Variants in YPEL3 observed in about 807,000 individuals in gnomAD.
YPEL3 encodes the protein yippee like 3.
In YPEL3, 5 loss-of-function variants were observed where a neutral mutation model predicts 17.5. The ratio of observed to expected loss-of-function variants is 0.29; its 90% confidence interval spans 0.15 to 0.60. The LOEUF (loss-of-function observed/expected upper bound fraction) is 0.60. Ranked by LOEUF, YPEL3 falls within the 20% of genes least tolerant of loss-of-function variation. The pLI is 0.87. For synonymous variants in YPEL3, 87 were observed against 87.2 expected (o/e 1.00, Z 0.01); for missense variants, 155 against 211.4 (o/e 0.73, Z 1.65).
chr16:30,092,411 G>C lies in YPEL3; in HGVS notation c.*299C>G. ...GGGCCTGGTGGGAGGAGTTCACAGAGCAGACGGTGCACTGGGACCAGGAGA... is the reference window on the plus strand; with the variant it reads ...GGGCCTGGTGGGAGGAGTTCACAGACCAGACGGTGCACTGGGACCAGGAGA... On this transcript the variant is annotated 3_prime_UTR_variant, in exon 4 of 4. Transcript: ENST00000398841. 5.3e-6 allele frequency: 2 copies of C among 378,092 alleles called. No homozygotes were observed. The highest frequency in any genetic ancestry group is 9.8e-6 in the Non-Finnish European group (2 of 204,492). The allele number at this position is 378,092 out of a possible 1,614,324, so 23.4% of individuals were successfully genotyped here. A position where few individuals can be genotyped will look rare whatever the true frequency, so the allele number is the denominator to read the frequency against.
chr16:30,094,694 T>C, intron 3 of YPEL3, 95 bp downstream of exon 3: 1 of 1,167,100 alleles, frequency 8.6e-7, no homozygotes, highest in South Asian at 1.2e-5. Context: ...GCTCGGCCTA[T>C]GCAATCTGAA....
intron 3 of YPEL3, chr16:30,094,584 C>G: frequency 1.6e-6 from 1 of 608,708 alleles, no homozygotes. Context: ...AATGGGGATC[C>G]AAGTGCCTGG....
rs1001565006 is a variant in YPEL3 at position 30,095,198 on chromosome 16, G to A, written c.232-52C>T. ...GGAGGGGGTCAGGGCTGCCGGTGGGGAGCTGCCAGGCAGCCCCTATAGGTT... is the reference window on the plus strand; with the variant it reads ...GGAGGGGGTCAGGGCTGCCGGTGGGAAGCTGCCAGGCAGCCCCTATAGGTT... On this transcript the variant is annotated intron_variant, in intron 1 of 3. Transcript: ENST00000398841. The surrounding 1 kb of genome is among the most constrained non-coding windows in gnomAD (Gnocchi z 5.4). The A allele has an allele frequency of 6.2e-7, 1 of 1,613,782 alleles. No homozygotes were observed. Among genetic ancestry groups the A allele is most frequent in the Non-Finnish European group, 8.5e-7 (1 of 1,179,786 alleles).
chr16:30,095,338 GA>G lies in YPEL3; in HGVS notation c.144del (p.Gln49ArgfsTer45). The G allele has an allele frequency of 6.2e-7, 1 of 1,614,214 alleles. No individual in the cohort carries two copies. The highest frequency in any genetic ancestry group is 8.5e-7 in the Non-Finnish European group (1 of 1,180,040). On this transcript the variant is annotated frameshift_variant, in exon 1 of 4. Transcript: ENST00000398841. LOFTEE classifies it high-confidence loss of function. This position sits in a 1 kb window ranked among gnomAD's most constrained non-coding sequence, Gnocchi z 5.4. ...AMVRISKPKTFQAYLDDCHRR... is the reference protein window; with the variant it reads ...AMVRISKPKTXQAYLDDCHRR... ...CGGTGACAATCATCCAAGTAGGCCT[GA>G]AACGTCTTGGGCTTTGAAATCCGCA...
rs2072773364 is a variant in YPEL3 at position 30,094,624 on chromosome 16, CTACACCCCT to C, written c.384+156_384+164del. 7 of 694,644 alleles carry C rather than the reference CTACACCCCT, an allele frequency of 1.0e-5. No individual in the cohort carries two copies. The South Asian group carries it at 1.1e-4, about 11-fold the overall frequency. 43.0% of individuals were successfully genotyped at this position (694,644 alleles called of 1,614,324 possible). A position where few individuals can be genotyped will look rare whatever the true frequency, so the allele number is the denominator to read the frequency against. On this transcript the variant is annotated intron_variant, in intron 3 of 3. Transcript: ENST00000398841. ...GAAGGGATGGGTTAAGAGAAAAGTT[CTACACCCCT>C]TGCAAGGTGCAAGATAAAGAGAATG... is the stretch of plus-strand genomic sequence containing the variant.
chr16:30,093,271 TTTGGTTTTGAGAGGGAGTCTTGC>T (rs1704309754), intron 3 of YPEL3, among the ~76,000 whole-genome samples: 1 of 152,126 alleles, frequency 6.6e-6, no homozygotes, highest in Non-Finnish European at 1.5e-5. Flanking sequence ...TTTTTGTTTG[TTTGGTTTTGAGAGGGAGTCTTGC>T]TCTGTCGCCC....
At position 30,092,713 on chromosome 16, in the gene YPEL3, G is replaced by A. The variant is rs1418898354; in HGVS notation, c.471C>T (p.Asp157=). The A allele has an allele frequency of 1.2e-6, 2 of 1,614,150 alleles. No individual in the cohort carries two copies. Among genetic ancestry groups the A allele is most frequent in the African/African-American group, 2.7e-5 (2 of 75,066 alleles). Residue 157 remains aspartate, a synonymous_variant, in exon 4 of 4, where the codon GAC becomes GAT. Transcript: ENST00000398841. ...ACATGCGTCGGGGGAGCGGGGGTCA[G>A]TCCCAGCCGTTGTCTTTGATCATGT... The part of the protein sequence containing the change: ...LNHMIKDNGW[D]
At position 30,092,809 on chromosome 16, in the gene YPEL3, G is replaced by A. The variant is rs775132442; in HGVS notation, c.385-10C>T. 8.7e-6 allele frequency: 14 copies of A among 1,613,524 alleles called. No individual in the cohort carries two copies. The East Asian group carries it at 2.9e-4, about 33-fold the overall frequency. On this transcript the variant is annotated splice_polypyrimidine_tract_variant and intron_variant, in intron 3 of 3. Coordinates refer to ENST00000398841, the MANE Select transcript of YPEL3 (RefSeq NM_031477.5). ...TCTCAAAGGCCTGTTCCTGAAAGGA[G>A]GGGCGGGACCGTCATCCCCGGAGCA...
chr16:30,095,031 C>G lies in YPEL3; in HGVS notation c.275+72G>C. On this transcript the variant is annotated intron_variant, in intron 2 of 3. Coordinates refer to ENST00000398841, the MANE Select transcript of YPEL3 (RefSeq NM_031477.5). This position sits in a 1 kb window ranked among gnomAD's most constrained non-coding sequence, Gnocchi z 5.4. ...GCCTGCACCGGGGAACTCTGGGAGTCTCAGCAGGATGCCAGGGGTCACAGG... is the reference window on the plus strand; with the variant it reads ...GCCTGCACCGGGGAACTCTGGGAGTGTCAGCAGGATGCCAGGGGTCACAGG... The G allele has an allele frequency of 6.2e-7, 1 of 1,609,004 alleles. No homozygotes were observed. Among genetic ancestry groups the G allele is most frequent in the Non-Finnish European group, 8.5e-7 (1 of 1,176,216 alleles).
Sources: gnomAD v4.1 joint callset for allele counts (sites outside exome capture counted in the v4.1 genomes callset) on GRCh38, gnomAD v4.1.1 for gene constraint, Gnocchi (gnomAD v3.1) non-coding constraint, MANE v1.5 for transcripts, NCBI Gene and HGNC (gene_info 2026-07-23, HGNC 2026-07-21) for gene names.